Variants in MTSS1 observed in about 807,000 individuals in gnomAD.
The protein encoded by MTSS1 is MTSS I-BAR domain containing 1, also known as protein MTSS 1.
A neutral mutation model predicts 79.0 loss-of-function variants in MTSS1; 18 were observed. The observed-to-expected ratio is 0.23, with a 90% CI of 0.16 to 0.34. MTSS1 has a LOEUF of 0.34. Ranked by LOEUF, MTSS1 falls within the 10% of genes least tolerant of loss-of-function variation. The pLI is 1.00. For synonymous variants in MTSS1, 341 were observed against 368.6 expected (o/e 0.93, Z 0.86); for missense variants, 815 against 986.2 (o/e 0.83, Z 2.33).
At chr8:124,709,938 A>G (rs1256555967) in intron 1 of MTSS1, among the ~76,000 whole-genome samples, 1 of 151,830 alleles carries the variant, frequency 6.6e-6, no homozygotes, top group Non-Finnish European at 1.5e-5. Context: ...AGCTGCACCT[A>G]CTCCCCAACT....
intron 1 of MTSS1, among the ~76,000 whole-genome samples, chr8:124,722,564 CT>C (rs11347746): frequency 0.014 from 2,201 of 152,312 alleles, 46 homozygotes; most frequent in African/African-American, 0.046. Context: ...TGACAATGGG[CT>C]TCCTTAATGC....
intron 6 of MTSS1, among the ~76,000 whole-genome samples, chr8:124,580,886 G>A (rs897902385): frequency 1.3e-5 from 2 of 151,960 alleles, no homozygotes; most frequent in Non-Finnish European, 2.9e-5. Context: ...GCTTTGGCAA[G>A]AAAACCTTTC....
rs527847025 is a variant in MTSS1, at chr8:124,649,498, T to C, written c.208+50028A>G. Among the ~76,000 whole-genome samples the C allele has an allele frequency of 8.5e-5, 13 of 152,240 alleles. No individual in the cohort carries two copies. The East Asian group carries it at 1.2e-3, about 14-fold the overall frequency. On this transcript the variant is annotated intron_variant, in intron 3 of 13. Transcript: ENST00000518547. ...TGGCGAGCCTTGGCACCTCTGGCTA[T>C]ACAATTCAGGCATCAATACCTACTT...
At chr8:124,574,201 T>C (rs897743699) in intron 6 of MTSS1, among the ~76,000 whole-genome samples, 2 of 152,090 alleles carry the variant, frequency 1.3e-5, no homozygotes, top group African/African-American at 4.8e-5. Context: ...TGCCTCGGCC[T>C]CCCAAACTGC....
At chr8:124,598,570 G>A (rs1312268070) in intron 3 of MTSS1, among the ~76,000 whole-genome samples, 1 of 152,198 alleles carries the variant, frequency 6.6e-6, no homozygotes, top group African/African-American at 2.4e-5. Context: ...AACCCTCGCT[G>A]CAGAAGCTCT....
intron 11 of MTSS1, 149 bp from the exon 12 acceptor site, chr8:124,556,554 C>T (rs1259387232): frequency 2.4e-6 from 2 of 845,914 alleles, no homozygotes; most frequent in Non-Finnish European, 3.6e-6. Context: ...TGCATGCCCT[C>T]TCCAGGCTCT....
chr8:124,603,861 T>C (rs533097314), intron 3 of MTSS1, among the ~76,000 whole-genome samples: 1 of 152,322 alleles, frequency 6.6e-6, no homozygotes, highest in Middle Eastern at 3.4e-3. Context: ...ATTTACAAGA[T>C]CATCTCAGTC....
intron 3 of MTSS1, among the ~76,000 whole-genome samples, chr8:124,647,392 C>T (rs2134104836): frequency 6.6e-6 from 1 of 152,190 alleles, no homozygotes; most frequent in Non-Finnish European, 1.5e-5. Flanking sequence ...TAACAGTATA[C>T]ATGCTATGTT....
chr8:124,661,977 C>A (rs796549654), intron 3 of MTSS1, among the ~76,000 whole-genome samples: 21 of 152,248 alleles, frequency 1.4e-4, no homozygotes, highest in African/African-American at 5.1e-4. Flanking sequence ...CATCCATGAA[C>A]ACCAAGGAAG....
At chr8:124,663,250 A>G (rs566650561) in intron 3 of MTSS1, among the ~76,000 whole-genome samples, 1 of 152,120 alleles carries the variant, frequency 6.6e-6, no homozygotes, top group Non-Finnish European at 1.5e-5. Context: ...ACCTCATGCT[A>G]AGACAGACAG....
intron 2 of MTSS1, among the ~76,000 whole-genome samples, chr8:124,702,899 C>G (rs1327713515): frequency 6.6e-6 from 1 of 152,146 alleles, no homozygotes; most frequent in Non-Finnish European, 1.5e-5. Context: ...AAGGGTAGAG[C>G]TTTAATAAGA....
At chr8:124,651,719 C>T (rs757173562) in intron 3 of MTSS1, among the ~76,000 whole-genome samples, 1 of 152,174 alleles carries the variant, frequency 6.6e-6, no homozygotes, top group Non-Finnish European at 1.5e-5. Context: ...CTGAAGAACT[C>T]GCTAATTCAT....
rs569907126 is a variant in MTSS1 at position 124,710,097 on chromosome 8, C to G, written c.73-5906G>C. The stretch of plus-strand genomic sequence containing the variant: ...AGGAGGCAGGGAACACTGACCAGCT[C>G]TCTCCAAGGGACACTGGAGTGACAC... On this transcript the variant is annotated intron_variant, in intron 1 of 13. Transcript: ENST00000518547. Among the ~76,000 whole-genome samples, 3 of 152,344 alleles carry G rather than the reference C, an allele frequency of 2.0e-5. No individual in the cohort carries two copies. The South Asian group carries it at 6.2e-4, about 32-fold the overall frequency.
At chr8:124,596,325 C>T (rs1373612789) in intron 3 of MTSS1, among the ~76,000 whole-genome samples, 1 of 152,224 alleles carries the variant, frequency 6.6e-6, no homozygotes, top group African/African-American at 2.4e-5. Context: ...TCACTTGATG[C>T]CACTGCTTAG....
In MTSS1 at chr8:124,553,373, C is replaced by A; in HGVS notation, c.1887G>T (p.Val629=). 6.2e-7 allele frequency: 1 copy of A among 1,611,484 alleles called. No homozygotes were observed. Among genetic ancestry groups the A allele is most frequent in the Non-Finnish European group, 8.5e-7 (1 of 1,177,992 alleles). Residue 629 remains valine (V), a synonymous_variant, in exon 14 of 14, where the codon GTG becomes GTT. Coordinates refer to ENST00000518547, the MANE Select transcript of MTSS1 (RefSeq NM_014751.6). The surrounding 1 kb of genome is among the most constrained non-coding windows in gnomAD (Gnocchi z 6.0). ...KTPTVPDLPG[V]LPAPPDGPEE... ...CTGGCCCATCTGGAGGGGCTGGCAACACCCCTGGGAGGTCTGGGACGGTTG... is the reference window on the plus strand; with the variant it reads ...CTGGCCCATCTGGAGGGGCTGGCAAAACCCCTGGGAGGTCTGGGACGGTTG...
intron 6 of MTSS1, among the ~76,000 whole-genome samples, chr8:124,583,391 C>T (rs774410059): frequency 6.6e-6 from 1 of 152,126 alleles, no homozygotes; most frequent in Non-Finnish European, 1.5e-5. Flanking sequence ...GCAGGCAGCC[C>T]GAGCCAGTGC....
At chr8:124,672,637 C>T (rs745335891) in intron 3 of MTSS1, among the ~76,000 whole-genome samples, 4 of 148,684 alleles carry the variant, frequency 2.7e-5, no homozygotes, top group African/African-American at 5.2e-5. Context: ...GAAACCTCAT[C>T]TCTACAAAAT....
chr8:124,569,128 C>A (rs1031935930), intron 6 of MTSS1, among the ~76,000 whole-genome samples: 3 of 152,116 alleles, frequency 2.0e-5, no homozygotes, highest in African/African-American at 7.2e-5. Flanking sequence ...AGAACAAGCC[C>A]AGTAATAACA....
intron 3 of MTSS1, among the ~76,000 whole-genome samples, chr8:124,608,628 G>T (rs577606853): frequency 9.2e-5 from 14 of 152,316 alleles, no homozygotes; most frequent in African/African-American, 2.9e-4. Context: ...TATGCAAACA[G>T]CTGTTTCCTT....
Sources: gnomAD v4.1 joint callset for allele counts (sites outside exome capture counted in the v4.1 genomes callset) on GRCh38, gnomAD v4.1.1 for gene constraint, Gnocchi (gnomAD v3.1) non-coding constraint, MANE v1.5 for transcripts, NCBI Gene and HGNC (gene_info 2026-07-23, HGNC 2026-07-21) for gene names.